The following GTPBP1 variants were observed in gnomAD, a reference collection of about 807,000 sequenced individuals.
GTPBP1 encodes the protein GTP-binding protein 1.
Under a neutral mutation model 62.0 loss-of-function variants are expected in GTPBP1, and 23 were observed. That is an observed-to-expected ratio of 0.37 (90% CI 0.27 to 0.53). The LOEUF (loss-of-function observed/expected upper bound fraction) is 0.53. Among genes scored for constraint, GTPBP1 ranks in the 20% least tolerant of loss-of-function variants. The pLI is 0.89. For synonymous variants in GTPBP1, 344 were observed against 364.4 expected, an observed-to-expected ratio of 0.94 and a Z score of 0.64; for missense variants, 640 against 917.3, an observed-to-expected ratio of 0.70 and a Z score of 3.90.
downstream of GTPBP1, chr22:38,742,366 G>A (rs752855984): frequency 1.2e-6 from 2 of 1,613,080 alleles, no homozygotes; most frequent in Admixed American, 1.7e-5. Context: ...CGGCTCACTA[G>A]CCCCTCCAGC....
At chr22:38,741,103 T>G (rs893741999), downstream of GTPBP1, 8 of 1,555,524 alleles carry the variant, frequency 5.1e-6, no homozygotes, top group Admixed American at 1.9e-5. Context: ...GAAATTGGTG[T>G]TCCAGAGTAG....
chr22:38,737,902 C>T, downstream of GTPBP1: 1 of 649,026 alleles, frequency 1.5e-6, no homozygotes, highest in Non-Finnish European at 2.9e-6. This position sits in a 1 kb window ranked among gnomAD's most constrained non-coding sequence, Gnocchi z 4.1. Context: ...CCTTTCCTGG[C>T]CACCCAACCC....
At position 38,729,680 on chromosome 22, in the gene GTPBP1, G is replaced by A. The variant is rs750316767; in HGVS notation, c.1917+18G>A. 10 of 1,445,808 alleles carry A rather than the reference G, an allele frequency of 6.9e-6. No individual in the cohort carries two copies. The East Asian group carries it at 1.8e-4, about 26-fold the overall frequency. The allele number at this position is 1,445,808 out of a possible 1,614,324, so 89.6% of individuals were successfully genotyped here. A position where few individuals can be genotyped will look rare whatever the true frequency, so the allele number is the denominator to read the frequency against. On this transcript the variant is annotated intron_variant, in intron 11 of 11. Transcript: ENST00000216044. ...AGCCTCAGGTGAGCACGGGCCCCTC[G>A]CAGCTTCGGCATGGTGGTGGGGGCT...
chr22:38,739,544 T>G (rs895235476), downstream of GTPBP1: 4 of 1,354,226 alleles, frequency 3.0e-6, no homozygotes, highest in Admixed American at 7.8e-5. The surrounding 1 kb of genome is among the most constrained non-coding windows in gnomAD (Gnocchi z 6.7). Flanking sequence ...ACTGTGCTGG[T>G]GCCCAGGCAG....
At chr22:38,713,818 G>T (rs2092653821) in intron 2 of GTPBP1, among the ~76,000 whole-genome samples, 1 of 152,196 alleles carries the variant, frequency 6.6e-6, no homozygotes, top group African/African-American at 2.4e-5. Context: ...GGTTGGGTTG[G>T]GTGTTGAGTT....
downstream of GTPBP1, chr22:38,736,164 T>A (rs530243555): frequency 8.9e-7 from 1 of 1,127,506 alleles, no homozygotes; most frequent in East Asian, 2.4e-5. Context: ...GGCTCCTCTC[T>A]TGTGCTCCTA....
intron 4 of GTPBP1, among the ~76,000 whole-genome samples, chr22:38,717,283 G>T (rs2092676193): frequency 6.6e-6 from 1 of 152,192 alleles, no homozygotes; most frequent in South Asian, 2.1e-4. Context: ...ATAGAGGAGG[G>T]TTTCTCCTGG....
At chr22:38,707,807 G>T (rs1380909625) in intron 1 of GTPBP1, among the ~76,000 whole-genome samples, 1 of 152,182 alleles carries the variant, frequency 6.6e-6, no homozygotes, top group Non-Finnish European at 1.5e-5. Context: ...TAATATCGAT[G>T]ATATCAAAAA....
At position 38,731,088 on chromosome 22, in the gene GTPBP1, CTT is replaced by C. The variant is rs761305659; in HGVS notation, c.*387_*388del. On this transcript the variant is annotated 3_prime_UTR_variant, in exon 12 of 12. Coordinates refer to ENST00000216044, the MANE Select transcript of GTPBP1 (RefSeq NM_004286.5). The stretch of plus-strand genomic sequence containing the variant: ...CACCCCCAGGGCCCTGTCAACCTCT[CTT>C]TTCTCCTCCATGGCTGTCTGCCTGC... 4.9e-4 allele frequency: 84 copies of C among 169,858 alleles called. No individual in the cohort carries two copies. Among genetic ancestry groups the C allele is most frequent in the Middle Eastern group, 2.8e-3 (1 of 362 alleles). 10.5% of individuals were successfully genotyped at this position (169,858 alleles called of 1,614,324 possible). A position where few individuals can be genotyped will look rare whatever the true frequency, so the allele number is the denominator to read the frequency against.
chr22:38,707,899 A>G (rs1416858917), intron 1 of GTPBP1, among the ~76,000 whole-genome samples: 3 of 152,248 alleles, frequency 2.0e-5, no homozygotes, highest in Non-Finnish European at 4.4e-5. Context: ...CGAAAGGTTC[A>G]TGTCCTTACG....
chr22:38,737,392 G>A (rs552264787), downstream of GTPBP1, among the ~76,000 whole-genome samples: 1 of 151,860 alleles, frequency 6.6e-6, no homozygotes, highest in African/African-American at 2.4e-5. The surrounding 1 kb of genome is among the most constrained non-coding windows in gnomAD (Gnocchi z 4.1). Context: ...CACTCCCAAC[G>A]CCCCTCTCCC....
chr22:38,713,618 G>T (rs1034380056), intron 2 of GTPBP1, among the ~76,000 whole-genome samples: 2 of 152,200 alleles, frequency 1.3e-5, no homozygotes, highest in Non-Finnish European at 2.9e-5. Context: ...TGGTCAGGCA[G>T]TAAGAGGAAA....
chr22:38,711,981 A>G (rs1231726323), intron 2 of GTPBP1, among the ~76,000 whole-genome samples: 2 of 152,126 alleles, frequency 1.3e-5, no homozygotes, highest in Non-Finnish European at 2.9e-5. Flanking sequence ...CCTGGGTTCA[A>G]GCAGTTCTTC....
downstream of GTPBP1, chr22:38,738,402 A>G: frequency 2.7e-6 from 3 of 1,092,862 alleles, no homozygotes; most frequent in Non-Finnish European, 4.0e-6. The surrounding 1 kb of genome is among the most constrained non-coding windows in gnomAD (Gnocchi z 6.6). Flanking sequence ...CTCTTGTGCC[A>G]CAGTTTCTGC....
In GTPBP1 at chr22:38,724,369, A is replaced by G; in HGVS notation, c.1031A>G (p.Lys344Arg). 6.2e-7 allele frequency: 1 copy of G among 1,613,348 alleles called. No homozygotes were observed. Among genetic ancestry groups the G allele is most frequent in the Non-Finnish European group, 8.5e-7 (1 of 1,179,286 alleles). Residue 344 changes from lysine to arginine, a missense_variant, in exon 6 of 12, where the codon AAA becomes AGA. Physicochemically the swap from Lys to Arg is conservative, Grantham distance 26 (BLOSUM62 2). Coordinates refer to ENST00000216044, the MANE Select transcript of GTPBP1 (RefSeq NM_004286.5). ...CRKIPVLVQSKDDVIVTASNF... is the reference protein window; with the variant it reads ...CRKIPVLVQSRDDVIVTASNF... Reference sequence around the variant, plus strand: ...AAGATCCCCGTGCTGGTGCAGAGCAAAGATGATGTGATTGTCACAGCCTCC... The same window carrying G: ...AAGATCCCCGTGCTGGTGCAGAGCAGAGATGATGTGATTGTCACAGCCTCC...
downstream of GTPBP1, chr22:38,736,580 A>G: frequency 2.2e-6 from 1 of 444,462 alleles, no homozygotes. Context: ...TTAAGGGGCC[A>G]CCTGTAGCAC....
At position 38,730,877 on chromosome 22, in the gene GTPBP1, C is replaced by T. The variant is rs374614035; in HGVS notation, c.*173C>T. 119 of 556,794 alleles carry T rather than the reference C, an allele frequency of 2.1e-4. 1 individual carries two copies. The highest frequency in any genetic ancestry group is 6.1e-4 in the South Asian group (28 of 45,660). The allele number at this position is 556,794 out of a possible 1,614,324, so 34.5% of individuals were successfully genotyped here. A position where few individuals can be genotyped will look rare whatever the true frequency, so the allele number is the denominator to read the frequency against. On this transcript the variant is annotated 3_prime_UTR_variant, in exon 12 of 12. Coordinates refer to ENST00000216044, the MANE Select transcript of GTPBP1 (RefSeq NM_004286.5). The surrounding 1 kb of genome is among the most constrained non-coding windows in gnomAD (Gnocchi z 5.6). Reference sequence around the variant, plus strand: ...AGGGGGGTTGTAATTTATAAGCTGACGAAGGTAGCCAGACTTCCGGAGGAC... The same window carrying T: ...AGGGGGGTTGTAATTTATAAGCTGATGAAGGTAGCCAGACTTCCGGAGGAC...
chr22:38,740,392 G>A, downstream of GTPBP1: 2 of 1,573,348 alleles, frequency 1.3e-6, no homozygotes, highest in Non-Finnish European at 1.7e-6. The surrounding 1 kb of genome is among the most constrained non-coding windows in gnomAD (Gnocchi z 4.8). Flanking sequence ...AGCCGCCTCA[G>A]CTCCTTCACA....
downstream of GTPBP1, chr22:38,739,911 C>T (rs2092839863): frequency 6.2e-7 from 1 of 1,612,646 alleles, no homozygotes; most frequent in Non-Finnish European, 8.5e-7. This position sits in a 1 kb window ranked among gnomAD's most constrained non-coding sequence, Gnocchi z 6.7. Context: ...GGGCAAGGAA[C>T]TGACTGATCC....
Sources: gnomAD v4.1 joint callset for allele counts (sites outside exome capture counted in the v4.1 genomes callset) on GRCh38, gnomAD v4.1.1 for gene constraint, Gnocchi (gnomAD v3.1) non-coding constraint, MANE v1.5 for transcripts, NCBI Gene and HGNC (gene_info 2026-07-23, HGNC 2026-07-21) for gene names.